The following RASGRF2 variants were observed in gnomAD, a reference collection of about 807,000 sequenced individuals.
The protein encoded by RASGRF2 is Ras protein specific guanine nucleotide releasing factor 2, also known as ras-specific guanine nucleotide-releasing factor 2.
In RASGRF2, 76 loss-of-function variants were observed where a neutral mutation model predicts 151.0. The observed-to-expected ratio is 0.50, with a 90% CI of 0.42 to 0.61. The LOEUF (loss-of-function observed/expected upper bound fraction) is 0.61. Among genes scored for constraint, RASGRF2 ranks in the 20% least tolerant of loss-of-function variants. The pLI, the probability that RASGRF2 is intolerant of heterozygous loss-of-function variation, is 0.00. For missense variants in RASGRF2, 1,148 were observed against 1,564.6 expected (o/e 0.73, Z 4.49); for synonymous variants, 504 against 566.5 (o/e 0.89, Z 1.57).
intron 12 of RASGRF2, among the ~76,000 whole-genome samples, chr5:81,097,904 A>G (rs1231867777): frequency 6.6e-6 from 1 of 152,252 alleles, no homozygotes; most frequent in African/African-American, 2.4e-5. Flanking sequence ...GATTTCAGCA[A>G]AGGAATGCCA....
intron 5 of RASGRF2, among the ~76,000 whole-genome samples, chr5:81,079,799 A>C (rs1241569728): frequency 6.6e-6 from 1 of 152,172 alleles, no homozygotes; most frequent in Non-Finnish European, 1.5e-5. Context: ...AGAAAAAAGG[A>C]TCATAACTTT....
chr5:80,986,086 A>G (rs1237716682), intron 1 of RASGRF2, among the ~76,000 whole-genome samples: 3 of 152,242 alleles, frequency 2.0e-5, no homozygotes, highest in Non-Finnish European at 4.4e-5. Context: ...GCAGAGCTCT[A>G]CTATTGGGAT....
intron 2 of RASGRF2, among the ~76,000 whole-genome samples, chr5:81,060,050 G>C (rs1361571861): frequency 6.6e-6 from 1 of 152,170 alleles, no homozygotes; most frequent in Non-Finnish European, 1.5e-5. Context: ...GAACCAGAGA[G>C]AGAGAAGATG....
intron 2 of RASGRF2, among the ~76,000 whole-genome samples, chr5:81,051,892 G>A (rs1209036873): frequency 6.6e-6 from 1 of 152,164 alleles, no homozygotes; most frequent in African/African-American, 2.4e-5. Flanking sequence ...TTGAGGAGAT[G>A]CCAAACTGTT....
At chr5:81,100,390 G>GTC (rs980846501) in intron 12 of RASGRF2, among the ~76,000 whole-genome samples, 8 of 151,566 alleles carry the variant, frequency 5.3e-5, no homozygotes, top group Non-Finnish European at 7.4e-5. Flanking sequence ...GCTTTGCCAG[G>GTC]TCTCTCTCTC....
chr5:80,966,083 T>TTGTGTG (rs70994407), intron 1 of RASGRF2, among the ~76,000 whole-genome samples: 122 of 149,748 alleles, frequency 8.1e-4, no homozygotes, highest in African/African-American at 2.9e-3. Flanking sequence ...GGATATATGT[T>TTGTGTG]TGTGTGTGTG....
At position 81,158,912 on chromosome 5, in the gene RASGRF2, A is replaced by C. The variant is rs552271602; in HGVS notation, c.2687-21263A>C. ...AGGTTCAACATAAGCTTACCGTAGA[A>C]TCTAGCAATTTCATTCCTGGGTACT... On this transcript the variant is annotated intron_variant, in intron 17 of 26. Transcript: ENST00000265080. Among the ~76,000 whole-genome samples the C allele has an allele frequency of 5.3e-5, 8 of 152,306 alleles. No individual in the cohort carries two copies. The South Asian group carries it at 1.7e-3, about 32-fold the overall frequency.
chr5:81,106,531 C>T (rs1384445879), intron 12 of RASGRF2, among the ~76,000 whole-genome samples: 2 of 152,206 alleles, frequency 1.3e-5, no homozygotes, highest in South Asian at 4.1e-4. Context: ...TATAGCCTGC[C>T]TCCAACTGAT....
intron 17 of RASGRF2, among the ~76,000 whole-genome samples, chr5:81,170,279 C>A (rs1283067722): frequency 1.3e-5 from 2 of 152,270 alleles, no homozygotes; most frequent in African/African-American, 4.8e-5. Context: ...TCTCCTCGTT[C>A]CACTTTGCCC....
chr5:81,083,403 G>C (rs1230286851), intron 7 of RASGRF2, among the ~76,000 whole-genome samples: 2 of 151,990 alleles, frequency 1.3e-5, no homozygotes, highest in East Asian at 3.9e-4. Flanking sequence ...GAGAGAGGAG[G>C]AGAGGCAATT....
At chr5:81,096,250 TGTG>T (rs1206959696) in intron 12 of RASGRF2, 1 of 152,166 alleles carries the variant, frequency 6.6e-6, no homozygotes, top group Non-Finnish European at 1.5e-5. Flanking sequence ...CTTGCATCCT[TGTG>T]GTGATTTATT....
At chr5:81,049,710 G>A (rs1401082833) in intron 2 of RASGRF2, among the ~76,000 whole-genome samples, 1 of 152,112 alleles carries the variant, frequency 6.6e-6, no homozygotes, top group East Asian at 1.9e-4. Flanking sequence ...TCATGAAGTA[G>A]CTGGCACTAT....
chr5:81,066,391 G>A (rs1751603461), intron 2 of RASGRF2, among the ~76,000 whole-genome samples: 1 of 152,308 alleles, frequency 6.6e-6, no homozygotes, highest in Non-Finnish European at 1.5e-5. Context: ...TGTGATTTTA[G>A]AAGTGTCTTA....
chr5:81,093,857 CT>C (rs765793516), intron 10 of RASGRF2, among the ~76,000 whole-genome samples: 10 of 152,138 alleles, frequency 6.6e-5, no homozygotes, highest in African/African-American at 9.7e-5. Flanking sequence ...GCCTAAAATA[CT>C]TACTATCTGA....
intron 17 of RASGRF2, among the ~76,000 whole-genome samples, chr5:81,159,563 G>A (rs968445622): frequency 6.6e-6 from 1 of 152,184 alleles, no homozygotes; most frequent in South Asian, 2.1e-4. Context: ...TGGCTTGGGG[G>A]TGGGAACAGG....
chr5:81,011,079 A>G (rs1376889851), intron 1 of RASGRF2, among the ~76,000 whole-genome samples: 1 of 152,234 alleles, frequency 6.6e-6, no homozygotes, highest in African/African-American at 2.4e-5. Flanking sequence ...CATTATGGCT[A>G]ATTTGAAAAA....
intron 17 of RASGRF2, among the ~76,000 whole-genome samples, chr5:81,159,439 A>G (rs1303809524): frequency 2.6e-5 from 4 of 152,250 alleles, no homozygotes; most frequent in South Asian, 2.1e-4. Flanking sequence ...CCTGTGCTCA[A>G]TGAAAGAATC....
chr5:81,217,801 G>T (rs1211506277), intron 25 of RASGRF2, among the ~76,000 whole-genome samples: 2 of 150,290 alleles, frequency 1.3e-5, no homozygotes, highest in African/African-American at 4.9e-5. Flanking sequence ...GGAGTGCAGT[G>T]GCGCAATCTC....
intron 1 of RASGRF2, among the ~76,000 whole-genome samples, chr5:81,030,408 A>T (rs1199150530): frequency 2.0e-5 from 3 of 152,230 alleles, no homozygotes; most frequent in African/African-American, 7.2e-5. Context: ...GAGTAAGGTC[A>T]GGTTACCCAC....
Sources: gnomAD v4.1 joint callset for allele counts (sites outside exome capture counted in the v4.1 genomes callset) on GRCh38, gnomAD v4.1.1 for gene constraint, MANE v1.5 for transcripts, NCBI Gene and HGNC (gene_info 2026-07-23, HGNC 2026-07-21) for gene names.